Variants in ROBO2 observed in about 807,000 individuals in gnomAD.
ROBO2 encodes roundabout homolog 2.
In ROBO2, 53 loss-of-function variants were observed where a neutral mutation model predicts 160.8. The ratio of observed to expected loss-of-function variants is 0.33; its 90% CI spans 0.26 to 0.41. ROBO2 has a LOEUF of 0.41. Among genes scored for constraint, ROBO2 ranks in the 10% least tolerant of loss-of-function variants. The pLI is 1.00. For synonymous variants in ROBO2, 664 were observed against 611.7 expected (o/e 1.09, Z -1.26); for missense variants, 1,577 against 1,722.4 (o/e 0.92, Z 1.49).
In ROBO2 at chr3:77,275,353, T is replaced by G. The variant is rs115382728; in HGVS notation, c.388+177013T>G. On this transcript the variant is annotated intron_variant, in intron 2 of 25. Transcript: ENST00000461745. ...TGTCAAAACGTTTTTAGGTAGAACTTTAATAGAACTTTAGCATCTTATAAT... is the reference window on the plus strand; with the variant it reads ...TGTCAAAACGTTTTTAGGTAGAACTGTAATAGAACTTTAGCATCTTATAAT... Among the ~76,000 whole-genome samples, 754 of 152,268 alleles carry G rather than the reference T, an allele frequency of 5.0e-3. 6 individuals are homozygous for G. The highest frequency in any genetic ancestry group is 0.015 in the African/African-American group (627 of 41,584).
intron 2 of ROBO2, among the ~76,000 whole-genome samples, chr3:76,432,908 A>G (rs921849500): frequency 1.3e-5 from 2 of 151,890 alleles, no homozygotes; most frequent in Admixed American, 1.3e-4. Flanking sequence ...AGGGAGGGAG[A>G]AAAAGATGGG....
At chr3:77,307,241 T>G (rs1456674760) in intron 2 of ROBO2, among the ~76,000 whole-genome samples, 1 of 152,208 alleles carries the variant, frequency 6.6e-6, no homozygotes, top group Non-Finnish European at 1.5e-5. Context: ...GTGAGTTGTC[T>G]CTGACCAAAA....
chr3:77,467,620 T>TATCTATC (rs1553969446), intron 2 of ROBO2, among the ~76,000 whole-genome samples: 95 of 150,534 alleles, frequency 6.3e-4, no homozygotes, highest in African/African-American at 2.3e-3. Flanking sequence ...TCTATCTATC[T>TATCTATC]ATCTATCTAT....
chr3:77,537,679 C>A (rs2092212509), intron 6 of ROBO2, among the ~76,000 whole-genome samples: 2 of 151,954 alleles, frequency 1.3e-5, no homozygotes, highest in African/African-American at 4.8e-5. Context: ...AAGGACATAC[C>A]CAAGGCTGGG....
rs17816247 is a variant in ROBO2 at position 76,768,759 on chromosome 3, A to T, written c.110-329255A>T. Among the ~76,000 whole-genome samples, 843 of 148,836 alleles carry T rather than the reference A, an allele frequency of 5.7e-3. 5 individuals carry two copies. The highest frequency in any genetic ancestry group is 8.6e-3 in the Non-Finnish European group (579 of 67,546). ...CTAGATAGTTTTTAAGTGTAATAAC[A>T]GTTCATTGCCATTTTGAAAAAGGAT... is the stretch of plus-strand genomic sequence containing the variant. On this transcript the variant is annotated intron_variant, in intron 2 of 26. Coordinates refer to the ROBO2 transcript ENST00000487694.
At chr3:75,920,363 T>A (rs943096201) in intron 1 of ROBO2, among the ~76,000 whole-genome samples, 3 of 152,224 alleles carry the variant, frequency 2.0e-5, no homozygotes, top group Non-Finnish European at 2.9e-5. Flanking sequence ...TAATTCTGAG[T>A]TCTAATTTGA....
At chr3:76,066,047 C>A (rs2068244615) in intron 2 of ROBO2, among the ~76,000 whole-genome samples, 1 of 151,758 alleles carries the variant, frequency 6.6e-6, no homozygotes. Context: ...TCTAAGGTTA[C>A]AACAGCCTCT....
At chr3:76,137,826 G>GTT (rs1182846405) in intron 2 of ROBO2, among the ~76,000 whole-genome samples, 1 of 151,632 alleles carries the variant, frequency 6.6e-6, no homozygotes, top group African/African-American at 2.4e-5. Flanking sequence ...TAATTCTTCT[G>GTT]TTTTATATAT....
At chr3:76,505,088 T>C (rs1317359318) in intron 2 of ROBO2, among the ~76,000 whole-genome samples, 2 of 152,088 alleles carry the variant, frequency 1.3e-5, no homozygotes, top group Non-Finnish European at 2.9e-5. Flanking sequence ...GAAGACACCT[T>C]AGATTTGAAA....
intron 5 of ROBO2, among the ~76,000 whole-genome samples, chr3:77,516,942 A>G (rs528636848): frequency 2.0e-5 from 3 of 151,724 alleles, no homozygotes; most frequent in South Asian, 2.1e-4. Flanking sequence ...ATAAGCATTC[A>G]TTGAACGCCT....
chr3:76,136,490 G>A (rs916940456), intron 2 of ROBO2, among the ~76,000 whole-genome samples: 1 of 152,036 alleles, frequency 6.6e-6, no homozygotes, highest in Admixed American at 6.6e-5. Context: ...TTCTTGACTT[G>A]GGGAAAGCTT....
chr3:76,967,702 G>A (rs1028269689), intron 2 of ROBO2, among the ~76,000 whole-genome samples: 2 of 149,612 alleles, frequency 1.3e-5, no homozygotes, highest in African/African-American at 4.9e-5. Context: ...TTGTTTGTTT[G>A]TTTTGTTTGT....
intron 2 of ROBO2, among the ~76,000 whole-genome samples, chr3:76,684,352 T>G (rs4993942): frequency 0.53 from 79,954 of 151,878 alleles, 21,497 homozygotes; most frequent in East Asian, 0.76. Context: ...ACAGTTTGAC[T>G]GTCTAAAGCT....
At chr3:75,913,932 C>G (rs1235895589) in intron 1 of ROBO2, among the ~76,000 whole-genome samples, 2 of 152,060 alleles carry the variant, frequency 1.3e-5, no homozygotes, top group Non-Finnish European at 2.9e-5. Context: ...TCATAGACTT[C>G]TAGAAGAAAT....
rs369116670 is a variant in ROBO2, at chr3:77,045,251, T to C, written c.61+4405T>C. 2.2e-4 allele frequency among the ~76,000 whole-genome samples: 33 copies of C among 152,336 alleles called. No homozygotes were observed. In the South Asian group the frequency reaches 6.6e-3, roughly 31 times the overall value. ...GAAGCATATAGCATCTAGGGTAGCA[T>C]GCTTACCCAGAATACTTGACTCAAC... On this transcript the variant is annotated intron_variant, in intron 1 of 25. Coordinates refer to ENST00000461745, the Ensembl canonical transcript of ROBO2.
intron 21 of ROBO2, among the ~76,000 whole-genome samples, chr3:77,615,145 A>T (rs2094741898): frequency 6.6e-6 from 1 of 152,080 alleles, no homozygotes. Context: ...CAGGACCCTG[A>T]CACATAACTG....
intron 2 of ROBO2, among the ~76,000 whole-genome samples, chr3:76,111,557 TG>T (rs940008898): frequency 1.3e-5 from 2 of 152,122 alleles, no homozygotes; most frequent in Admixed American, 6.5e-5. Context: ...TCTCCATCTG[TG>T]GGCTTTCTAT....
intron 2 of ROBO2, among the ~76,000 whole-genome samples, chr3:76,518,230 A>AC (rs1186551039): frequency 6.6e-6 from 1 of 152,138 alleles, no homozygotes; most frequent in Non-Finnish European, 1.5e-5. Flanking sequence ...GACCTGAAGG[A>AC]CCCAGGCACT....
intron 2 of ROBO2, among the ~76,000 whole-genome samples, chr3:76,996,511 G>T (rs1250475411): frequency 1.3e-5 from 2 of 152,032 alleles, no homozygotes; most frequent in African/African-American, 4.8e-5. Flanking sequence ...AGCTTGATGG[G>T]GATGGCATTG....
Sources: gnomAD v4.1 joint callset for allele counts (sites outside exome capture counted in the v4.1 genomes callset) on GRCh38, gnomAD v4.1.1 for gene constraint, MANE v1.5 for transcripts, NCBI Gene and HGNC (gene_info 2026-07-23, HGNC 2026-07-21) for gene names.